The following PIP5K1B variants were observed in gnomAD, a reference collection of about 807,000 sequenced individuals.
PIP5K1B encodes phosphatidylinositol-4-phosphate 5-kinase type 1 beta.
PIP5K1B carries 42 observed loss-of-function variants against 67.0 expected under a neutral mutation model. The observed-to-expected ratio is 0.63, with a 90% CI of 0.49 to 0.81. The LOEUF (loss-of-function observed/expected upper bound fraction) is 0.81. Ranked by LOEUF, PIP5K1B falls within the 30% of genes least tolerant of loss-of-function variation. The pLI, the probability that PIP5K1B is intolerant of heterozygous loss-of-function variation, is 0.00. For synonymous variants in PIP5K1B, 214 were observed against 231.4 expected, an observed-to-expected ratio of 0.92 and a Z score of 0.68; for missense variants, 459 against 646.3, an observed-to-expected ratio of 0.71 and a Z score of 3.14.
chr9:68,950,925 G>T lies in PIP5K1B; in HGVS notation c.1502+10135G>T, dbSNP rs149058107. On this transcript the variant is annotated intron_variant, in intron 14 of 15. Coordinates refer to ENST00000265382, the MANE Select transcript of PIP5K1B (RefSeq NM_003558.4). Reference sequence around the variant, plus strand: ...AGTCCACTAACATAAACCTGCTGCTGAGGACTCATTCACTTCACAGCACCA... The same window carrying T: ...AGTCCACTAACATAAACCTGCTGCTTAGGACTCATTCACTTCACAGCACCA... 2.1e-3 allele frequency among the ~76,000 whole-genome samples: 322 copies of T among 152,264 alleles called. 2 individuals carry two copies. The highest frequency in any genetic ancestry group is 7.3e-3 in the African/African-American group (303 of 41,544).
intron 14 of PIP5K1B, among the ~76,000 whole-genome samples, chr9:68,988,778 A>T (rs1254660090): frequency 8.1e-6 from 1 of 124,134 alleles, no homozygotes; most frequent in Admixed American, 7.9e-5. Context: ...ATCAGGAAAA[A>T]TACAAGTGAA....
At chr9:68,874,928 A>G (rs368450911) in intron 5 of PIP5K1B, among the ~76,000 whole-genome samples, 12 of 152,200 alleles carry the variant, frequency 7.9e-5, no homozygotes, top group Non-Finnish European at 1.6e-4. Context: ...TTATTTCTAT[A>G]TGATCTACAT....
At chr9:68,918,554 A>C (rs1826215193) in intron 9 of PIP5K1B, among the ~76,000 whole-genome samples, 1 of 152,218 alleles carries the variant, frequency 6.6e-6, no homozygotes. Flanking sequence ...TTGCATGTGT[A>C]AAATGCATAT....
chr9:68,734,809 C>T (rs887453582), intron 1 of PIP5K1B, among the ~76,000 whole-genome samples: 3 of 152,308 alleles, frequency 2.0e-5, no homozygotes, highest in South Asian at 2.1e-4. Context: ...AAAAGGAAAG[C>T]AGCCCATCAT....
At chr9:68,956,693 A>T (rs983894551) in intron 14 of PIP5K1B, among the ~76,000 whole-genome samples, 2 of 152,228 alleles carry the variant, frequency 1.3e-5, no homozygotes, top group African/African-American at 4.8e-5. Context: ...CTTTCCATTG[A>T]CAAGCAGCAT....
At chr9:68,948,813 A>T (rs1330428630) in intron 14 of PIP5K1B, among the ~76,000 whole-genome samples, 11 of 152,150 alleles carry the variant, frequency 7.2e-5, no homozygotes, top group Admixed American at 7.2e-4. Flanking sequence ...AAATTATAGA[A>T]TTACTTCTGA....
intron 13 of PIP5K1B, among the ~76,000 whole-genome samples, chr9:68,935,319 T>C (rs184886051): frequency 3.9e-4 from 59 of 151,934 alleles, no homozygotes; most frequent in African/African-American, 1.3e-3. Flanking sequence ...ATACAAAAAA[T>C]TAGTCAGGCG....
chr9:68,880,770 G>A (rs1287901434), intron 6 of PIP5K1B, among the ~76,000 whole-genome samples: 2 of 152,148 alleles, frequency 1.3e-5, no homozygotes, highest in Non-Finnish European at 2.9e-5. Flanking sequence ...ACAGAACAAA[G>A]GCAGTGGCCT....
At chr9:68,753,084 AT>A (rs1488283672) in intron 2 of PIP5K1B, among the ~76,000 whole-genome samples, 2 of 151,828 alleles carry the variant, frequency 1.3e-5, no homozygotes, top group African/African-American at 4.8e-5. Flanking sequence ...CTAACTTCAT[AT>A]TTTCCAAAAT....
intron 15 of PIP5K1B, among the ~76,000 whole-genome samples, chr9:69,000,183 T>G (rs1036502057): frequency 7.9e-5 from 12 of 152,250 alleles, no homozygotes; most frequent in Non-Finnish European, 1.6e-4. Flanking sequence ...AGAAAATGCT[T>G]CTTTCTACTG....
At chr9:68,969,786 A>C (rs1829256766) in intron 14 of PIP5K1B, among the ~76,000 whole-genome samples, 3 of 152,210 alleles carry the variant, frequency 2.0e-5, no homozygotes, top group Non-Finnish European at 4.4e-5. Flanking sequence ...AGTGGGGAAG[A>C]CTGATAATAA....
At chr9:68,771,459 G>A (rs1232978379) in intron 2 of PIP5K1B, among the ~76,000 whole-genome samples, 2 of 152,164 alleles carry the variant, frequency 1.3e-5, no homozygotes, top group Admixed American at 6.5e-5. Flanking sequence ...TGTATTTCAT[G>A]TGTGTCAATA....
chr9:68,741,061 A>G (rs1358026318), intron 1 of PIP5K1B, among the ~76,000 whole-genome samples: 2 of 152,192 alleles, frequency 1.3e-5, no homozygotes, highest in Non-Finnish European at 2.9e-5. Flanking sequence ...ATTTAACCAC[A>G]CTTAGAAAAT....
chr9:68,949,097 C>CAA (rs201349064), intron 14 of PIP5K1B, among the ~76,000 whole-genome samples: 7 of 143,042 alleles, frequency 4.9e-5, no homozygotes, highest in African/African-American at 1.0e-4. Context: ...TTTTAACTGA[C>CAA]AAAAAAAAAA....
intron 7 of PIP5K1B, among the ~76,000 whole-genome samples, chr9:68,892,440 A>T (rs1032314937): frequency 6.6e-6 from 1 of 152,234 alleles, no homozygotes; most frequent in Non-Finnish European, 1.5e-5. Flanking sequence ...AAATTAATGG[A>T]TTCAAATAAA....
At chr9:68,847,567 G>A (rs1235274067) in intron 4 of PIP5K1B, among the ~76,000 whole-genome samples, 1 of 151,702 alleles carries the variant, frequency 6.6e-6, no homozygotes, top group Non-Finnish European at 1.5e-5. Flanking sequence ...TTTACTTAAA[G>A]CTGGTAAACA....
chr9:68,876,524 C>T lies in PIP5K1B; in HGVS notation c.201-153C>T, dbSNP rs1017227284. ...CTTATTCTGCCTGGTTATCATTGGC[C>T]TTTATGACATGAACTTTGAGAAACC... On this transcript the variant is annotated intron_variant, in intron 5 of 15. Coordinates refer to ENST00000265382, the MANE Select transcript of PIP5K1B (RefSeq NM_003558.4). 2.6e-5 allele frequency among the ~76,000 whole-genome samples: 4 copies of T among 152,106 alleles called. No individual in the cohort carries two copies. In the East Asian group the frequency reaches 5.8e-4, roughly 22 times the overall value.
intron 1 of PIP5K1B, among the ~76,000 whole-genome samples, chr9:68,735,316 C>CTTTTTTTTGTTTTTTTTTTTTTT (rs1828674683): frequency 3.4e-5 from 1 of 29,768 alleles, no homozygotes; most frequent in Non-Finnish European, 6.1e-5. Context: ...CCCCTAGTGT[C>CTTTTTTTTGTTTTTTTTTTTTTT]TTTTTTTTTT....
Position 68,907,601 on chromosome 9 carries a change from C to T in PIP5K1B, c.772-9947C>T, listed in dbSNP as rs1825678041. Among the ~76,000 whole-genome samples the T allele has an allele frequency of 5.9e-5, 9 of 152,038 alleles. No individual in the cohort carries two copies. In the South Asian group the frequency reaches 8.3e-4, roughly 14 times the overall value. ...TTCTCAATACCGATGGTGACTTTCC[C>T]GGGCCTCAGATTTTTCCTGCTCTAT... is the stretch of plus-strand genomic sequence containing the variant. On this transcript the variant is annotated intron_variant, in intron 8 of 15. Coordinates refer to ENST00000265382, the MANE Select transcript of PIP5K1B (RefSeq NM_003558.4).
Sources: allele counts gnomAD v4.1 joint callset (sites outside exome capture counted in the v4.1 genomes callset), GRCh38; gene constraint gnomAD v4.1.1; transcripts MANE v1.5; gene names NCBI Gene and HGNC (gene_info 2026-07-23, HGNC 2026-07-21).